The following RAB22A variants were observed in gnomAD, a reference collection of about 807,000 sequenced individuals.
RAB22A encodes the protein RAB22A, member RAS oncogene family.
Under a neutral mutation model 30.2 loss-of-function variants are expected in RAB22A, and 13 were observed. The observed-to-expected ratio is 0.43, with a 90% CI of 0.28 to 0.68. The LOEUF (loss-of-function observed/expected upper bound fraction) is 0.68, where lower values mean the gene tolerates loss of function less well. RAB22A is among the 30% of genes least tolerant of loss of function. The pLI, the probability that RAB22A is intolerant of heterozygous loss-of-function variation, is 0.18. For synonymous variants in RAB22A, 89 were observed against 87.2 expected (o/e 1.02, Z -0.11); for missense variants, 177 against 246.8 (o/e 0.72, Z 1.89).
chr20:58,348,800 A>G (rs1033115426), intron 3 of RAB22A, among the ~76,000 whole-genome samples: 1 of 152,184 alleles, frequency 6.6e-6, no homozygotes, highest in East Asian at 1.9e-4. Context: ...CTTAAAAAAA[A>G]AAAATCGCAA....
intron 3 of RAB22A, among the ~76,000 whole-genome samples, chr20:58,346,385 G>A (rs1255481275): frequency 2.0e-5 from 3 of 152,118 alleles, no homozygotes; most frequent in Non-Finnish European, 1.5e-5. Context: ...GACTTGCCCA[G>A]GCCTCCCCCG....
chr20:58,357,726 T>C (rs1378557961), intron 6 of RAB22A, among the ~76,000 whole-genome samples: 1 of 152,178 alleles, frequency 6.6e-6, no homozygotes, highest in Non-Finnish European at 1.5e-5. Context: ...TTCACAGCAG[T>C]GTCTAGTCAT....
In RAB22A at chr20:58,362,888, C is replaced by T. The variant is rs1987250994; in HGVS notation, c.*3185C>T. The T allele has an allele frequency of 6.6e-6, 1 of 152,170 alleles. No individual in the cohort carries two copies. The highest frequency in any genetic ancestry group is 1.5e-5 in the Non-Finnish European group (1 of 68,034). The allele number at this position is 152,170 out of a possible 1,614,324, so 9.4% of individuals were successfully genotyped here. ...TGTGTGAGAGGCTTGAGCGCCTCCT[C>T]TATGTGGGCTGGTGTCCTTCTTGAA... On this transcript the variant is annotated 3_prime_UTR_variant, in exon 7 of 7. Transcript: ENST00000244040.
At chr20:58,329,770 G>A (rs577968950) in intron 2 of RAB22A, among the ~76,000 whole-genome samples, 1 of 152,270 alleles carries the variant, frequency 6.6e-6, no homozygotes, top group Admixed American at 6.5e-5. Flanking sequence ...GAGGCTCTGA[G>A]TTTGTGTCCT....
At chr20:58,314,766 G>A (rs1761087169) in intron 2 of RAB22A, among the ~76,000 whole-genome samples, 2 of 152,198 alleles carry the variant, frequency 1.3e-5, no homozygotes, top group African/African-American at 4.8e-5. Context: ...GCTTAAACGC[G>A]GGAGGCGGAG....
At chr20:58,334,334 T>C (rs1446030819) in intron 2 of RAB22A, among the ~76,000 whole-genome samples, 1 of 138,528 alleles carries the variant, frequency 7.2e-6, no homozygotes, top group Non-Finnish European at 1.5e-5. Flanking sequence ...AAAGTCCATC[T>C]CAAAAAAAAA....
At chr20:58,325,669 G>A (rs1479021488) in intron 2 of RAB22A, among the ~76,000 whole-genome samples, 1 of 152,100 alleles carries the variant, frequency 6.6e-6, no homozygotes, top group East Asian at 1.9e-4. Flanking sequence ...TTTTGTTAAT[G>A]ATTATTGACA....
intron 6 of RAB22A, among the ~76,000 whole-genome samples, chr20:58,358,232 G>A (rs1041301243): frequency 3.3e-5 from 5 of 152,150 alleles, no homozygotes; most frequent in Non-Finnish European, 5.9e-5. Context: ...TATGCTTCAC[G>A]GAGCAGTGAA....
chr20:58,337,559 A>G (rs144960820), intron 2 of RAB22A, among the ~76,000 whole-genome samples: 36 of 152,246 alleles, frequency 2.4e-4, no homozygotes, highest in Non-Finnish European at 3.7e-4. Flanking sequence ...TAGGATAATT[A>G]CCTGGTAATT....
intron 6 of RAB22A, among the ~76,000 whole-genome samples, chr20:58,354,710 T>C (rs918978415): frequency 1.3e-5 from 2 of 152,220 alleles, no homozygotes; most frequent in African/African-American, 4.8e-5. Context: ...GAAGTGTTAA[T>C]ATGATGATAC....
intron 1 of RAB22A, among the ~76,000 whole-genome samples, chr20:58,310,381 A>G (rs976104411): frequency 3.3e-5 from 5 of 152,212 alleles, no homozygotes; most frequent in Non-Finnish European, 7.3e-5. Context: ...AGTAAAACCA[A>G]TAACAGGTCT....
At position 58,309,972 on chromosome 20, in the gene RAB22A, G is replaced by T; in HGVS notation, c.-5G>T. On this transcript the variant is annotated 5_prime_UTR_variant, in exon 1 of 7. Coordinates refer to ENST00000244040, the MANE Select transcript of RAB22A (RefSeq NM_020673.3). Reference sequence around the variant, plus strand: ...CGGCGGGCCCGCGCCCCTGGCTCCCGGGCCATGGCGCTGAGGGAGCTCAAA... The same window carrying T: ...CGGCGGGCCCGCGCCCCTGGCTCCCTGGCCATGGCGCTGAGGGAGCTCAAA... 7.9e-7 allele frequency: 1 copy of T among 1,265,972 alleles called. No homozygotes were observed. Among genetic ancestry groups the T allele is most frequent in the East Asian group, 3.1e-5 (1 of 31,972 alleles). 78.4% of individuals were successfully genotyped at this position (1,265,972 alleles called of 1,614,324 possible).
intron 2 of RAB22A, among the ~76,000 whole-genome samples, chr20:58,325,218 C>G (rs1230286438): frequency 6.6e-6 from 1 of 151,522 alleles, no homozygotes; most frequent in Non-Finnish European, 1.5e-5. Context: ...GTGGCTCACA[C>G]CTGTAATCCC....
intron 2 of RAB22A, among the ~76,000 whole-genome samples, chr20:58,320,115 G>C (rs1416884446): frequency 6.6e-6 from 1 of 152,168 alleles, no homozygotes; most frequent in African/African-American, 2.4e-5. Flanking sequence ...CATCAAATGA[G>C]TTGAGGAATG....
At chr20:58,348,782 C>G (rs1232262104) in intron 3 of RAB22A, among the ~76,000 whole-genome samples, 1 of 127,138 alleles carries the variant, frequency 7.9e-6, no homozygotes, top group East Asian at 2.1e-4. Context: ...CCAACGATAG[C>G]TGATGAGCTT....
intron 2 of RAB22A, among the ~76,000 whole-genome samples, chr20:58,335,400 C>T (rs895894543): frequency 1.3e-5 from 2 of 152,058 alleles, no homozygotes; most frequent in African/African-American, 4.8e-5. Context: ...CTGATTATAT[C>T]CATCATGGTG....
At chr20:58,329,064 T>TC (rs1243888542) in intron 2 of RAB22A, among the ~76,000 whole-genome samples, 1 of 151,480 alleles carries the variant, frequency 6.6e-6, no homozygotes, top group Admixed American at 6.6e-5. Flanking sequence ...CCCTTTTTTT[T>TC]TTTTTTTGAG....
chr20:58,331,594 A>G (rs554250792), intron 2 of RAB22A, among the ~76,000 whole-genome samples: 1 of 152,326 alleles, frequency 6.6e-6, no homozygotes, highest in Non-Finnish European at 1.5e-5. Context: ...GACTAAATAT[A>G]AACCACAAAT....
At chr20:58,339,495 G>A (rs1333465264) in intron 2 of RAB22A, among the ~76,000 whole-genome samples, 2 of 152,154 alleles carry the variant, frequency 1.3e-5, no homozygotes, top group African/African-American at 4.8e-5. Context: ...TAGTGACAAC[G>A]GGAGGGAAAA....
Sources: gnomAD v4.1 joint callset for allele counts (sites outside exome capture counted in the v4.1 genomes callset) on GRCh38, gnomAD v4.1.1 for gene constraint, MANE v1.5 for transcripts, NCBI Gene and HGNC (gene_info 2026-07-23, HGNC 2026-07-21) for gene names.